Variants in PCDHA8 observed in about 807,000 individuals in gnomAD.
PCDHA8 encodes the protein protocadherin alpha 8.
In PCDHA8, 53 loss-of-function variants were observed where a neutral mutation model predicts 61.8. The observed-to-expected ratio is 0.86, with a 90% CI of 0.69 to 1.08. The LOEUF (loss-of-function observed/expected upper bound fraction) is 1.08. Ranked by LOEUF, PCDHA8 falls within the 50% of genes least tolerant of loss-of-function variation. PCDHA8 has a pLI of 0.00. For synonymous variants in PCDHA8, 618 were observed against 556.6 expected, an observed-to-expected ratio of 1.11 and a Z score of -1.55; for missense variants, 1,293 against 1,245.0, an observed-to-expected ratio of 1.04 and a Z score of -0.58.
In PCDHA8 at chr5:140,911,678, G is replaced by A. The variant is rs551063911; in HGVS notation, c.2395-67271G>A. ...CTAAACTCCTTGCCTCTCACGAACCGTGCATCAGGAGTGTCAAATGAATTT... is the reference window on the plus strand; with the variant it reads ...CTAAACTCCTTGCCTCTCACGAACCATGCATCAGGAGTGTCAAATGAATTT... On this transcript the variant is annotated intron_variant, in intron 1 of 3. Coordinates refer to ENST00000531613, the MANE Select transcript of PCDHA8 (RefSeq NM_018911.3). Among the ~76,000 whole-genome samples the A allele has an allele frequency of 7.9e-5, 12 of 152,234 alleles. No homozygotes were observed. The South Asian group carries it at 1.2e-3, about 16-fold the overall frequency.
intron 1 of PCDHA8, chr5:140,867,134 T>C (rs1162274165): frequency 6.6e-6 from 1 of 152,178 alleles, no homozygotes; most frequent in Non-Finnish European, 1.5e-5. Context: ...AAATATGTGA[T>C]ATTATCATTT....
At position 140,842,759 on chromosome 5, in the gene PCDHA8, C is replaced by A. The variant is rs2150343672; in HGVS notation, c.1438C>A (p.Arg480=). The change falls in exon 1 of 4, where the codon CGA becomes AGA. Residue 480 remains arginine (R), a synonymous_variant. Transcript: ENST00000531613. ...PGCHIFTVSA[R]DADAQENALV... is the part of the protein sequence containing the mutation. ...CTGCCACATCTTCACGGTGTCTGCG[C>A]GAGACGCGGACGCGCAGGAGAACGC... 6.3e-7 allele frequency: 1 copy of A among 1,594,806 alleles called. No individual in the cohort carries two copies. The highest frequency in any genetic ancestry group is 2.2e-5 in the East Asian group (1 of 44,828).
rs1255289031 is a variant in PCDHA8 at position 141,010,188 on chromosome 5, T to C, written c.*251T>C. On this transcript the variant is annotated 3_prime_UTR_variant, in exon 4 of 4. Transcript: ENST00000531613. Reference sequence around the variant, plus strand: ...CAGAACCTAAAAAGCAGACCCAAGTTTCCTTTCTCCTCCGCCGCAAAGGAG... The same window carrying C: ...CAGAACCTAAAAAGCAGACCCAAGTCTCCTTTCTCCTCCGCCGCAAAGGAG... 1.3e-6 allele frequency: 2 copies of C among 1,552,952 alleles called. No individual in the cohort carries two copies. Among genetic ancestry groups the C allele is most frequent in the Non-Finnish European group, 8.7e-7 (1 of 1,147,482 alleles).
At chr5:141,001,314 T>A (rs34374778) in intron 3 of PCDHA8, among the ~76,000 whole-genome samples, 7,675 of 152,288 alleles carry the variant, frequency 0.05, 243 homozygotes, top group South Asian at 0.11. Flanking sequence ...TGAAATAATT[T>A]GCCAAACATC....
chr5:140,883,503 C>T (rs782604086), intron 1 of PCDHA8: 7 of 1,614,204 alleles, frequency 4.3e-6, no homozygotes, highest in Non-Finnish European at 5.9e-6. Flanking sequence ...CTGGACAGCG[C>T]CCTGGACCGC....
chr5:140,868,248 T>C (rs1554161850), intron 1 of PCDHA8: 1 of 152,160 alleles, frequency 6.6e-6, no homozygotes, highest in East Asian at 1.9e-4. Context: ...CAATAGACTT[T>C]TCCTTTGTGG....
At chr5:140,928,681 TC>T (rs782384924) in intron 1 of PCDHA8, 4 of 1,614,062 alleles carry the variant, frequency 2.5e-6, no homozygotes. Flanking sequence ...TGCCTGGCTT[TC>T]CTACCACATC....
intron 1 of PCDHA8, among the ~76,000 whole-genome samples, chr5:140,909,749 C>T (rs141984152): frequency 6.6e-6 from 1 of 152,114 alleles, no homozygotes; most frequent in African/African-American, 2.4e-5. Context: ...GGGGAAATGA[C>T]CACAGGATGA....
intron 1 of PCDHA8, among the ~76,000 whole-genome samples, chr5:140,893,446 A>C (rs1305001651): frequency 6.6e-6 from 1 of 152,132 alleles, no homozygotes; most frequent in Non-Finnish European, 1.5e-5. Flanking sequence ...TGAAGCCAGG[A>C]GTTCAAGACC....
At chr5:140,909,927 TCA>T (rs781847647) in intron 1 of PCDHA8, among the ~76,000 whole-genome samples, 6 of 152,150 alleles carry the variant, frequency 3.9e-5, no homozygotes, top group African/African-American at 9.7e-5. Flanking sequence ...CTTTCCCCAA[TCA>T]CAGTTACTCT....
chr5:141,007,377 AC>A lies in PCDHA8; in HGVS notation c.2543-2248del, dbSNP rs1563708435. Among the ~76,000 whole-genome samples, 4 of 136,616 alleles carry A rather than the reference AC, an allele frequency of 2.9e-5. No individual in the cohort carries two copies. The East Asian group carries it at 8.7e-4, about 30-fold the overall frequency. The allele number at this position is 136,616 out of a possible 152,430, so 89.6% of individuals were successfully genotyped here. ...ACCAGCCTGGGCAACATGATGGAAC[AC>A]CATCTCTACTAAAATACAAAAAAAA... On this transcript the variant is annotated intron_variant, in intron 3 of 3. Transcript: ENST00000531613.
chr5:140,927,920 T>G (rs782193396), intron 1 of PCDHA8: 1 of 1,614,120 alleles, frequency 6.2e-7, no homozygotes, highest in Non-Finnish European at 8.5e-7. Flanking sequence ...CTGGACTTCC[T>G]GACTCTTTCG....
At chr5:140,949,944 T>TTTAGTGG (rs2094435490) in intron 1 of PCDHA8, among the ~76,000 whole-genome samples, 1 of 151,908 alleles carries the variant, frequency 6.6e-6, no homozygotes, top group South Asian at 2.1e-4. Context: ...ATTTGCATTT[T>TTTAGTGG]TTAGTGGTTG....
chr5:140,850,934 T>G (rs2150502964), intron 1 of PCDHA8: 2 of 1,514,156 alleles, frequency 1.3e-6, no homozygotes, highest in African/African-American at 1.4e-5. Flanking sequence ...TTTTTTTTCT[T>G]GAAAGATATT....
chr5:140,853,541 G>A, intron 1 of PCDHA8: 2 of 979,320 alleles, frequency 2.0e-6, no homozygotes, highest in Non-Finnish European at 2.5e-6. Context: ...TTTTCAAGTT[G>A]TAATTACTAT....
Position 140,978,928 on chromosome 5 carries a change from ACT to A in PCDHA8, c.2395-16_2395-15del. ...CATTGTCTTGTCATTTTAACAGAAA[ACT>A]CTCTTTGTGATTTTGCAGCCACGAC... On this transcript the variant is annotated intron_variant, in intron 1 of 3. Coordinates refer to ENST00000531613, the MANE Select transcript of PCDHA8 (RefSeq NM_018911.3). The A allele has an allele frequency of 6.2e-7, 1 of 1,613,190 alleles. No homozygotes were observed. Among genetic ancestry groups the A allele is most frequent in the Admixed American group, 1.7e-5 (1 of 59,890 alleles).
intron 1 of PCDHA8, chr5:140,877,867 T>C: frequency 2.7e-6 from 4 of 1,490,888 alleles, no homozygotes; most frequent in Non-Finnish European, 3.6e-6. Context: ...TTTAGATATA[T>C]TTGTTTCCTT....
rs1554163586 is a variant in PCDHA8, at chr5:140,869,907, C to T, written c.2394+26192C>T. ...TTGTGCTCAAACTAAACGCCACAGA[C>T]CGAGACGAAGGAGTCAATGGAGAGG... is the stretch of plus-strand genomic sequence containing the variant. On this transcript the variant is annotated intron_variant, in intron 1 of 3. Transcript: ENST00000531613. 1.9e-6 allele frequency: 3 copies of T among 1,610,738 alleles called. No individual in the cohort carries two copies. The East Asian group carries it at 6.7e-5, about 36-fold the overall frequency.
In PCDHA8 at chr5:140,917,150, G is replaced by A. The variant is rs535773024; in HGVS notation, c.2395-61799G>A. Among the ~76,000 whole-genome samples the A allele has an allele frequency of 2.0e-5, 3 of 152,324 alleles. No individual in the cohort carries two copies. In the South Asian group the frequency reaches 6.2e-4, roughly 32 times the overall value. On this transcript the variant is annotated intron_variant, in intron 1 of 3. Transcript: ENST00000531613. ...CCCCACGTTGCTCAGCTGCTGCTGG[G>A]GGATATGGGAGGGGTGATGGTGGTG...
Sources: allele counts gnomAD v4.1 joint callset (sites outside exome capture counted in the v4.1 genomes callset), GRCh38; gene constraint gnomAD v4.1.1; transcripts MANE v1.5; gene names NCBI Gene and HGNC (gene_info 2026-07-23, HGNC 2026-07-21).